The following TRDN variants were observed in gnomAD, a reference collection of about 807,000 sequenced individuals.
TRDN encodes triadin.
Under a neutral mutation model 149.7 loss-of-function variants are expected in TRDN, and 161 were observed. That is an observed-to-expected ratio of 1.08 (90% confidence interval 0.95 to 1.23). The LOEUF (loss-of-function observed/expected upper bound fraction) is 1.23, where lower values mean the gene tolerates loss of function less well. Among genes scored for constraint, TRDN ranks in the 50% most tolerant of loss-of-function variants. The pLI is 0.00. For missense variants in TRDN, 896 were observed against 823.5 expected (o/e 1.09, Z -1.08); for synonymous variants, 294 against 250.5 (o/e 1.17, Z -1.64).
At chr6:123,515,744 T>C (rs1043475933) in intron 6 of TRDN, among the ~76,000 whole-genome samples, 10 of 152,170 alleles carry the variant, frequency 6.6e-5, no homozygotes, top group Admixed American at 6.6e-4. Context: ...TTATTATCTA[T>C]TCTACATAAA....
rs141172809 is a variant in TRDN at position 123,611,220 on chromosome 6, G to A, written c.22+25534C>T. Among the ~76,000 whole-genome samples, 681 of 152,104 alleles carry A rather than the reference G, an allele frequency of 4.5e-3. 5 individuals are homozygous for A. Among genetic ancestry groups the A allele is most frequent in the African/African-American group, 0.014 (601 of 41,504 alleles). ...TAAAACCTCAATGTATAAAAATAAG[G>A]TTTTACTTTAAATTCTAAATCTGAT... On this transcript the variant is annotated intron_variant, in intron 1 of 40. Coordinates refer to ENST00000334268, the MANE Select transcript of TRDN (RefSeq NM_006073.4).
intron 12 of TRDN, among the ~76,000 whole-genome samples, chr6:123,404,439 T>C (rs578088859): frequency 3.9e-4 from 60 of 152,242 alleles, no homozygotes; most frequent in African/African-American, 1.4e-3. Context: ...CTTTTTGTAA[T>C]GTGTGGTGAA....
At chr6:123,567,244 G>C (rs1014985504) in intron 2 of TRDN, among the ~76,000 whole-genome samples, 9 of 152,144 alleles carry the variant, frequency 5.9e-5, no homozygotes, top group African/African-American at 1.9e-4. Context: ...AATAAACTAT[G>C]TATTGCCTAT....
chr6:123,266,217 T>A (rs1456353789), intron 32 of TRDN, among the ~76,000 whole-genome samples: 2 of 33,140 alleles, frequency 6.0e-5, no homozygotes, highest in African/African-American at 1.1e-4. Context: ...ATATATATTA[T>A]AATATGTATT....
At chr6:123,540,498 C>T (rs922450034) in intron 4 of TRDN, among the ~76,000 whole-genome samples, 1 of 151,156 alleles carries the variant, frequency 6.6e-6, no homozygotes, top group African/African-American at 2.4e-5. Flanking sequence ...GCCTTTTAAT[C>T]ACTTGAACAG....
chr6:123,465,162 C>A (rs1445145584), intron 9 of TRDN, among the ~76,000 whole-genome samples, 179 bp from the exon 10 acceptor site: 2 of 152,108 alleles, frequency 1.3e-5, no homozygotes, highest in African/African-American at 4.8e-5. Flanking sequence ...AAGACACCTT[C>A]GCGGATTCAG....
chr6:123,575,791 T>C (rs1050415220), intron 1 of TRDN, among the ~76,000 whole-genome samples: 3 of 152,066 alleles, frequency 2.0e-5, no homozygotes, highest in African/African-American at 7.2e-5. Flanking sequence ...AGCCTCCTGA[T>C]AGAAGTCACT....
intron 1 of TRDN, among the ~76,000 whole-genome samples, chr6:123,581,775 A>C (rs964485023): frequency 6.6e-6 from 1 of 152,234 alleles, no homozygotes; most frequent in Non-Finnish European, 1.5e-5. Flanking sequence ...TTAGAAAAAA[A>C]TGACAGAAAG....
chr6:123,356,592 CCCA>C (rs1780693697), intron 20 of TRDN, among the ~76,000 whole-genome samples: 1 of 140,458 alleles, frequency 7.1e-6, no homozygotes, highest in African/African-American at 2.6e-5. Context: ...TAATTCTAAC[CCCA>C]TATAATGAGA....
At chr6:123,544,023 T>A (rs1780986072) in intron 4 of TRDN, among the ~76,000 whole-genome samples, 1 of 152,098 alleles carries the variant, frequency 6.6e-6, no homozygotes, top group Non-Finnish European at 1.5e-5. Flanking sequence ...TATAAGAATC[T>A]AAGAATCTAA....
chr6:123,268,240 CCA>C (rs1777081607), intron 31 of TRDN, among the ~76,000 whole-genome samples: 2 of 151,936 alleles, frequency 1.3e-5, no homozygotes, highest in African/African-American at 4.8e-5. Flanking sequence ...CTGCTGTATT[CCA>C]GAGAGTGCCA....
chr6:123,278,597 C>G (rs1176857878), intron 25 of TRDN, among the ~76,000 whole-genome samples: 1 of 152,104 alleles, frequency 6.6e-6, no homozygotes, highest in Non-Finnish European at 1.5e-5. Flanking sequence ...TGGCTCATGC[C>G]TGTAATCTTA....
chr6:123,468,448 A>T (rs1265573739), intron 9 of TRDN, among the ~76,000 whole-genome samples: 1 of 152,080 alleles, frequency 6.6e-6, no homozygotes, highest in African/African-American at 2.4e-5. Flanking sequence ...CTAATACTTT[A>T]TTGTTCTGAG....
At chr6:123,304,616 A>G (rs1778544491) in intron 24 of TRDN, among the ~76,000 whole-genome samples, 1 of 152,038 alleles carries the variant, frequency 6.6e-6, no homozygotes, top group African/African-American at 2.4e-5. Context: ...TTTTTTATAA[A>G]CATGTTTTTT....
intron 24 of TRDN, among the ~76,000 whole-genome samples, chr6:123,308,032 T>C (rs1778677260): frequency 6.6e-6 from 1 of 151,932 alleles, no homozygotes; most frequent in Admixed American, 6.6e-5. Flanking sequence ...TCTCTAGTAG[T>C]CCTAAGTGTC....
At position 123,555,015 on chromosome 6, in the gene TRDN, A is replaced by C. The variant is rs188544938; in HGVS notation, c.233-6403T>G. ...GCACAGTGAATTTAATAGTCTTCTG[A>C]GACTTTGGGTCCTGGAGTTTTCAGC... On this transcript the variant is annotated intron_variant, in intron 2 of 40. Transcript: ENST00000334268. 5.0e-4 allele frequency among the ~76,000 whole-genome samples: 76 copies of C among 152,300 alleles called. No homozygotes were observed. The East Asian group carries it at 9.5e-3, about 19-fold the overall frequency.
rs547331920 is a variant in TRDN at position 123,255,508 on chromosome 6, T to A, written c.1906+359A>T. The stretch of plus-strand genomic sequence containing the variant: ...ATTAAGACCTTTGTAAGCTTTATGA[T>A]AATTATACTCAAATCAGTAATTGTC... On this transcript the variant is annotated intron_variant, in intron 36 of 40. Coordinates refer to ENST00000334268, the MANE Select transcript of TRDN (RefSeq NM_006073.4). Among the ~76,000 whole-genome samples, 11 of 152,320 alleles carry A rather than the reference T, an allele frequency of 7.2e-5. No homozygotes were observed. In the South Asian group the frequency reaches 2.1e-3, roughly 29 times the overall value.
chr6:123,502,563 G>A (rs1026548935), intron 8 of TRDN: 13 of 984,192 alleles, frequency 1.3e-5, no homozygotes, highest in Admixed American at 1.2e-4. Flanking sequence ...GTGAATCAAA[G>A]TTTACAAATG....
At chr6:123,242,199 C>T (rs1056226522) in intron 38 of TRDN, among the ~76,000 whole-genome samples, 7 of 152,150 alleles carry the variant, frequency 4.6e-5, no homozygotes, top group Non-Finnish European at 1.0e-4. Flanking sequence ...TTTTATTTCA[C>T]ATTTTGCCTT....
Sources: allele counts gnomAD v4.1 joint callset (sites outside exome capture counted in the v4.1 genomes callset), GRCh38; gene constraint gnomAD v4.1.1; transcripts MANE v1.5; gene names NCBI Gene and HGNC (gene_info 2026-07-23, HGNC 2026-07-21).